MTA3: variants seen among roughly 807,000 people sequenced by gnomAD.
MTA3 encodes metastasis-associated protein MTA3.
Under a neutral mutation model 83.5 loss-of-function variants are expected in MTA3, and 34 were observed. The ratio of observed to expected loss-of-function variants is 0.41; its 90% CI spans 0.31 to 0.54. The LOEUF is 0.54. MTA3 is among the 20% of genes least tolerant of loss of function. The probability of loss-of-function intolerance (pLI) is 0.33; values close to 1 mark genes in which losing one functional copy is unlikely to be tolerated. For synonymous variants in MTA3, 303 were observed against 252.7 expected (o/e 1.20, Z -1.89); for missense variants, 761 against 726.4 (o/e 1.05, Z -0.55).
intron 2 of MTA3, among the ~76,000 whole-genome samples, chr2:42,519,006 C>G (rs1436085719): frequency 4.7e-5 from 7 of 149,016 alleles, no homozygotes; most frequent in African/African-American, 1.0e-4. Context: ...CACACACACA[C>G]ACACACACAC....
At chr2:42,604,659 T>C (rs1293605106) in intron 3 of MTA3, among the ~76,000 whole-genome samples, 3 of 134,982 alleles carry the variant, frequency 2.2e-5, no homozygotes, top group East Asian at 2.1e-4. Flanking sequence ...CATGGGACAA[T>C]AGTGGAGGGA....
intron 4 of MTA3, among the ~76,000 whole-genome samples, chr2:42,618,895 GC>G (rs1558508066): frequency 6.6e-6 from 1 of 152,166 alleles, no homozygotes; most frequent in African/African-American, 2.4e-5. Context: ...ACAGGTGTGA[GC>G]CAGTGAGCCT....
chr2:42,570,705 A>G (rs1678371660), intron 2 of MTA3, among the ~76,000 whole-genome samples: 1 of 151,392 alleles, frequency 6.6e-6, no homozygotes, highest in Non-Finnish European at 1.5e-5. Context: ...ATTTTTTTTT[A>G]ATTAATATAA....
intron 4 of MTA3, among the ~76,000 whole-genome samples, chr2:42,630,689 T>C (rs1009792271): frequency 1.3e-5 from 2 of 152,214 alleles, no homozygotes; most frequent in Non-Finnish European, 2.9e-5. Flanking sequence ...CTGTTAAAAA[T>C]AATACTATAA....
intron 9 of MTA3, among the ~76,000 whole-genome samples, chr2:42,690,197 G>A (rs962940518): frequency 7.2e-5 from 11 of 152,168 alleles, no homozygotes; most frequent in Non-Finnish European, 1.5e-4. Context: ...AGATTGAAGC[G>A]TGCATCATTA....
chr2:42,536,177 A>G (rs1030210335), intron 2 of MTA3, among the ~76,000 whole-genome samples: 1 of 150,328 alleles, frequency 6.7e-6, no homozygotes, highest in Admixed American at 6.6e-5. Context: ...GGGCCATATG[A>G]AAATCGAGGG....
chr2:42,592,317 A>G (rs1323597582), intron 3 of MTA3, among the ~76,000 whole-genome samples: 1 of 150,990 alleles, frequency 6.6e-6, no homozygotes, highest in African/African-American at 2.4e-5. Flanking sequence ...GGCATAGTAG[A>G]TCATACCTGT....
chr2:42,512,111 G>A (rs189812035), intron 2 of MTA3, among the ~76,000 whole-genome samples: 8 of 151,470 alleles, frequency 5.3e-5, no homozygotes, highest in Non-Finnish European at 1.0e-4. Context: ...GGAAGACTGG[G>A]AGGGTTTTTT....
At chr2:42,683,214 T>G (rs1338325889) in intron 9 of MTA3, among the ~76,000 whole-genome samples, 1 of 152,258 alleles carries the variant, frequency 6.6e-6, no homozygotes, top group African/African-American at 2.4e-5. Flanking sequence ...CCATTTGCGC[T>G]AAACAGTCTG....
chr2:42,535,071 A>C (rs1676161313), intron 2 of MTA3, among the ~76,000 whole-genome samples: 1 of 152,004 alleles, frequency 6.6e-6, no homozygotes, highest in East Asian at 1.9e-4. Flanking sequence ...CAAGCAGTAG[A>C]AAGGAGAAAG....
chr2:42,740,331 C>T (rs1044994875), intron 16 of MTA3, among the ~76,000 whole-genome samples: 14 of 152,176 alleles, frequency 9.2e-5, no homozygotes, highest in African/African-American at 3.1e-4. Flanking sequence ...GACAACATAG[C>T]GAAACCCTGT....
chr2:42,651,210 A>G (rs187545104), intron 6 of MTA3, among the ~76,000 whole-genome samples: 46 of 152,340 alleles, frequency 3.0e-4, no homozygotes, highest in African/African-American at 1.0e-3. Context: ...CTTACTGTGA[A>G]TGGAGCTTGC....
At chr2:42,650,914 C>T (rs1688657572) in intron 6 of MTA3, among the ~76,000 whole-genome samples, 1 of 152,184 alleles carries the variant, frequency 6.6e-6, no homozygotes, top group African/African-American at 2.4e-5. Flanking sequence ...CTAATGACAG[C>T]AATACATTCT....
Position 42,707,898 on chromosome 2 carries a change from T to C in MTA3, c.1151-5T>C. ...TCGTTTTTTCTTATTTTTCTTCTGC[T>C]TTAGCTACACAGTCTCACCAGTGGT... On this transcript the variant is annotated splice_polypyrimidine_tract_variant and splice_region_variant and intron_variant, in intron 12 of 16. Coordinates refer to ENST00000405094, the MANE Select transcript of MTA3 (RefSeq NM_001330442.2). The C allele has an allele frequency of 6.5e-7, 1 of 1,538,238 alleles. No individual in the cohort carries two copies. The highest frequency in any genetic ancestry group is 8.7e-7 in the Non-Finnish European group (1 of 1,145,998).
intron 4 of MTA3, among the ~76,000 whole-genome samples, chr2:42,614,640 T>TAC (rs1684631713): frequency 6.6e-6 from 1 of 151,572 alleles, no homozygotes; most frequent in African/African-American, 2.4e-5. Flanking sequence ...AACCCAGTCT[T>TAC]ATATATAACT....
At chr2:42,573,941 C>T (rs1218199813) in intron 2 of MTA3, among the ~76,000 whole-genome samples, 6 of 152,124 alleles carry the variant, frequency 3.9e-5, no homozygotes, top group Admixed American at 2.0e-4. Flanking sequence ...GCCTCAGCCT[C>T]CCGAGTAGCT....
At chr2:42,615,795 A>G (rs1389757969) in intron 4 of MTA3, among the ~76,000 whole-genome samples, 1 of 118,244 alleles carries the variant, frequency 8.5e-6, no homozygotes, top group African/African-American at 3.3e-5. Flanking sequence ...ATCTTGGCTC[A>G]CTGCAAGCTC....
At chr2:42,514,102 A>C (rs1675025178) in intron 2 of MTA3, among the ~76,000 whole-genome samples, 1 of 152,118 alleles carries the variant, frequency 6.6e-6, no homozygotes, top group Non-Finnish European at 1.5e-5. Flanking sequence ...GGTCCCACCT[A>C]CTTGGGAGGC....
intron 8 of MTA3, chr2:42,680,100 T>C (rs1055261864): frequency 2.6e-5 from 4 of 152,954 alleles, no homozygotes; most frequent in Non-Finnish European, 5.9e-5. Context: ...CATATTTATC[T>C]TTCATTTCTG....
Sources: gnomAD v4.1 joint callset for allele counts (sites outside exome capture counted in the v4.1 genomes callset) on GRCh38, gnomAD v4.1.1 for gene constraint, MANE v1.5 for transcripts, NCBI Gene and HGNC (gene_info 2026-07-23, HGNC 2026-07-21) for gene names.